The following DPH6 variants were observed in gnomAD, a reference collection of about 807,000 sequenced individuals.
DPH6 encodes the protein diphthine--ammonia ligase.
Under a neutral mutation model 38.2 loss-of-function variants are expected in DPH6, and 33 were observed. The ratio of observed to expected loss-of-function variants is 0.86; its 90% CI spans 0.65 to 1.15. The LOEUF (loss-of-function observed/expected upper bound fraction) is 1.15. Ranked by LOEUF, DPH6 falls within the 50% of genes most tolerant of loss-of-function variation. The pLI, the probability that DPH6 is intolerant of heterozygous loss-of-function variation, is 0.00. For synonymous variants in DPH6, 108 were observed against 103.0 expected (o/e 1.05, Z -0.30); for missense variants, 325 against 320.0 (o/e 1.02, Z -0.12).
At chr15:35,387,851 T>G (rs1019608877) in intron 6 of DPH6, among the ~76,000 whole-genome samples, 2 of 152,146 alleles carry the variant, frequency 1.3e-5, no homozygotes, top group South Asian at 4.1e-4. Context: ...TCCTGCCTGA[T>G]TGCCCTGGCC....
intron 5 of DPH6, among the ~76,000 whole-genome samples, chr15:35,441,370 C>A (rs1332364428): frequency 6.6e-6 from 1 of 152,156 alleles, no homozygotes; most frequent in Non-Finnish European, 1.5e-5. Context: ...TGTATGTTTA[C>A]TGCAGCACTA....
At chr15:35,519,316 A>G (rs1489442413) in intron 3 of DPH6, 8 of 152,010 alleles carry the variant, frequency 5.3e-5, no homozygotes, top group Non-Finnish European at 8.8e-5. Context: ...ATAGAAGTCA[A>G]ATTTTAGGCA....
rs2053924219 is a variant in DPH6, at chr15:35,450,857, G to T, written c.387-54C>A. 4.4e-6 allele frequency: 6 copies of T among 1,356,458 alleles called. No individual in the cohort carries two copies. The East Asian group carries it at 1.4e-4, about 32-fold the overall frequency. The allele number at this position is 1,356,458 out of a possible 1,614,324, so 84.0% of individuals were successfully genotyped here. A position where few individuals can be genotyped will look rare whatever the true frequency, so the allele number is the denominator to read the frequency against. On this transcript the variant is annotated intron_variant, in intron 4 of 8. Coordinates refer to ENST00000256538, the MANE Select transcript of DPH6 (RefSeq NM_080650.4). ...GATGATCTCTTAATGTTTTATACTTGGATCCACAGCAATTACTTTGATTTG... is the reference window on the plus strand; with the variant it reads ...GATGATCTCTTAATGTTTTATACTTTGATCCACAGCAATTACTTTGATTTG...
At chr15:35,327,336 C>CT (rs376483680), downstream of DPH6, among the ~76,000 whole-genome samples, 1,998 of 127,762 alleles carry the variant, frequency 0.016, 32 homozygotes, top group Non-Finnish European at 0.019. Context: ...GAAAAGGTTC[C>CT]TTTTTTTTTT....
At chr15:35,385,593 A>T (rs909274691) in intron 6 of DPH6, among the ~76,000 whole-genome samples, 2 of 152,074 alleles carry the variant, frequency 1.3e-5, no homozygotes, top group Admixed American at 1.3e-4. Context: ...GGAGGGGAAC[A>T]TCACACACCA....
At chr15:35,211,196 C>G in the DPH6 span, among the ~76,000 whole-genome samples, 1 of 151,814 alleles carries the variant, frequency 6.6e-6, no homozygotes, top group Non-Finnish European at 1.5e-5. Flanking sequence ...TATATAGATC[C>G]CGAATACAGA....
intron 3 of DPH6, among the ~76,000 whole-genome samples, chr15:35,241,951 A>G (rs914745399): frequency 6.9e-6 from 1 of 143,966 alleles, no homozygotes; most frequent in African/African-American, 2.5e-5. Context: ...TATCCACCCC[A>G]TGGTGCCAAA....
intron 6 of DPH6, among the ~76,000 whole-genome samples, chr15:35,386,409 T>C (rs547370872): frequency 7.2e-5 from 11 of 152,262 alleles, no homozygotes; most frequent in South Asian, 2.1e-4. Flanking sequence ...TCTAGATCCC[T>C]GAGGAGTCGC....
At chr15:35,205,349 C>A in the DPH6 span, among the ~76,000 whole-genome samples, 1 of 151,876 alleles carries the variant, frequency 6.6e-6, no homozygotes, top group Non-Finnish European at 1.5e-5. Context: ...CTTGCCAGGG[C>A]AGTAGAAACA....
At chr15:35,504,708 G>A (rs1214676494) in intron 3 of DPH6, among the ~76,000 whole-genome samples, 3 of 152,016 alleles carry the variant, frequency 2.0e-5, no homozygotes, top group South Asian at 2.1e-4. Flanking sequence ...ATAAATTAAT[G>A]CATCACAGGA....
chr15:35,460,903 T>TAAAAAAAAAAAAAAAAAAAAAAAAAAA (rs549293460), intron 3 of DPH6, among the ~76,000 whole-genome samples: 1 of 114,774 alleles, frequency 8.7e-6, no homozygotes, highest in Non-Finnish European at 1.7e-5. Context: ...CACAAACTGG[T>TAAAAAAAAAAAAAAAAAAAAAAAAAAA]AAAAAAAAAA....
chr15:35,297,531 G>GAGACCACATT (rs1385807078), intron 3 of DPH6, among the ~76,000 whole-genome samples: 1 of 151,778 alleles, frequency 6.6e-6, no homozygotes, highest in Admixed American at 6.6e-5. Context: ...CTTCTTCTGA[G>GAGACCACATT]AGACCACATT....
At chr15:35,324,201 TAG>T (rs1182525714) in intron 3 of DPH6, among the ~76,000 whole-genome samples, 1 of 152,198 alleles carries the variant, frequency 6.6e-6, no homozygotes, top group African/African-American at 2.4e-5. Flanking sequence ...AAATAAAATT[TAG>T]CTAATTCCTC....
chr15:35,240,629 A>G (rs2051591127), intron 3 of DPH6, among the ~76,000 whole-genome samples: 1 of 143,718 alleles, frequency 7.0e-6, no homozygotes, highest in African/African-American at 2.5e-5. Context: ...CCAAAGGCAT[A>G]GTCAGGGTTA....
intron 3 of DPH6, among the ~76,000 whole-genome samples, chr15:35,468,982 C>T (rs556965831): frequency 5.3e-5 from 8 of 152,134 alleles, no homozygotes; most frequent in Middle Eastern, 3.4e-3. Context: ...TCAGGAGAAT[C>T]GCTTGAATCC....
chr15:35,165,632 G>C, the DPH6 span, among the ~76,000 whole-genome samples: 1 of 151,916 alleles, frequency 6.6e-6, no homozygotes, highest in East Asian at 1.9e-4. Context: ...AGAATATTTT[G>C]TTCTTAGTGT....
rs1300975396 is a variant in DPH6, at chr15:35,414,723, A to G, written c.506-3827T>C. On this transcript the variant is annotated intron_variant, in intron 5 of 8. Transcript: ENST00000256538. Reference sequence around the variant, plus strand: ...TCCTCTCTCTATGCCTTCTTGGTGAATTACTTTTTCTCTTTTTTTTCTGCT... The same window carrying G: ...TCCTCTCTCTATGCCTTCTTGGTGAGTTACTTTTTCTCTTTTTTTTCTGCT... Among the ~76,000 whole-genome samples, 9 of 148,314 alleles carry G rather than the reference A, an allele frequency of 6.1e-5. 1 individual carries two copies. The highest frequency in any genetic ancestry group is 6.0e-4 in the Admixed American group (9 of 14,904).
At chr15:35,393,125 T>A (rs1034037566) in intron 6 of DPH6, among the ~76,000 whole-genome samples, 1 of 152,076 alleles carries the variant, frequency 6.6e-6, no homozygotes, top group Non-Finnish European at 1.5e-5. Context: ...TCATTTTGGA[T>A]GAATGATGGA....
chr15:35,185,976 C>T, the DPH6 span, among the ~76,000 whole-genome samples: 69 of 152,070 alleles, frequency 4.5e-4, no homozygotes, highest in Admixed American at 3.3e-3. Context: ...CCTCGTGATC[C>T]GCTTGCCTCG....
Sources: allele counts gnomAD v4.1 joint callset (sites outside exome capture counted in the v4.1 genomes callset), GRCh38; gene constraint gnomAD v4.1.1; transcripts MANE v1.5; gene names NCBI Gene and HGNC (gene_info 2026-07-23, HGNC 2026-07-21).